Variants in VPS13D observed in about 807,000 individuals in gnomAD.
VPS13D encodes the protein intermembrane lipid transfer protein VPS13D.
Under a neutral mutation model 461.9 loss-of-function variants are expected in VPS13D, and 187 were observed. The observed-to-expected ratio is 0.40, with a 90% CI of 0.36 to 0.46. The LOEUF is 0.46. Among genes scored for constraint, VPS13D ranks in the 20% least tolerant of loss-of-function variants. The pLI is 0.60. For missense variants in VPS13D, 4,711 were observed against 5,364.9 expected (o/e 0.88, Z 3.81); for synonymous variants, 1,951 against 1,986.3 (o/e 0.98, Z 0.47).
intron 46 of VPS13D, among the ~76,000 whole-genome samples, chr1:12,351,335 G>T (rs1643788425): frequency 6.6e-6 from 1 of 152,286 alleles, no homozygotes; most frequent in African/African-American, 2.4e-5. Flanking sequence ...TTGTCACCCA[G>T]GCTGGAGTGC....
chr1:12,375,127 A>G (rs1644180818), intron 55 of VPS13D, among the ~76,000 whole-genome samples: 6 of 152,136 alleles, frequency 3.9e-5, no homozygotes, highest in Admixed American at 3.3e-4. Context: ...GCCCTCACTC[A>G]CTTCCTTACT....
chr1:12,243,761 A>G (rs1053197013), intron 3 of VPS13D, among the ~76,000 whole-genome samples: 4 of 152,196 alleles, frequency 2.6e-5, no homozygotes, highest in Admixed American at 2.6e-4. Flanking sequence ...AGAATTCTTT[A>G]TTGAGAGAAG....
At chr1:12,298,858 C>T (rs149222766) in intron 24 of VPS13D, among the ~76,000 whole-genome samples, 78 of 152,230 alleles carry the variant, frequency 5.1e-4, no homozygotes, top group Middle Eastern at 3.4e-3. Flanking sequence ...TTTCTAAAGT[C>T]GTGGTGTAAA....
Position 12,293,698 on chromosome 1 carries a change from G to A in VPS13D, c.6027G>A (p.Gly2009=). ...VLGRQRAAIE[G]QTVRDQAQRC... ...GGCGCCAGCGAGCTGCTATTGAGGG[G>A]CAGACGGTAGGTAGCCTGGGCCCTC... The change falls in exon 24 of 70, where the codon GGG becomes GGA. Residue 2009 remains glycine, a synonymous_variant. Coordinates refer to ENST00000620676, the MANE Select transcript of VPS13D (RefSeq NM_015378.4). 6.2e-7 allele frequency: 1 copy of A among 1,613,250 alleles called. No individual in the cohort carries two copies. Among genetic ancestry groups the A allele is most frequent in the Admixed American group, 1.7e-5 (1 of 59,924 alleles).
At chr1:12,401,767 G>T in intron 62 of VPS13D, 63 bp downstream of exon 62, 1 of 1,433,412 alleles carries the variant, frequency 7.0e-7, no homozygotes, top group Non-Finnish European at 9.8e-7. Context: ...TTTTGAGTCT[G>T]TTTGTAAAAA....
Position 12,318,229 on chromosome 1 carries a change from A to G in VPS13D, c.7306A>G (p.Ser2436Gly). ...VTPSRHRNSSSESAIVPKTVK... is the reference protein window; with the variant it reads ...VTPSRHRNSSGESAIVPKTVK... Reference sequence around the variant, plus strand: ...TCCTTCTCGCCACCGTAACTCTAGCAGCGAATCTGCTATAGTTCCCAAAAC... The same window carrying G: ...TCCTTCTCGCCACCGTAACTCTAGCGGCGAATCTGCTATAGTTCCCAAAAC... The change falls in exon 31 of 70, where the codon AGC (serine) becomes GGC (glycine). Residue 2436 changes from serine to glycine, a missense_variant. By Grantham distance (56) the Ser-to-Gly change is moderately conservative. Coordinates refer to ENST00000620676, the MANE Select transcript of VPS13D (RefSeq NM_015378.4). The G allele has an allele frequency of 6.2e-7, 1 of 1,614,218 alleles. No homozygotes were observed. Among genetic ancestry groups the G allele is most frequent in the Non-Finnish European group, 8.5e-7 (1 of 1,180,032 alleles).
rs1471285653 is a variant in VPS13D, at chr1:12,348,733, A to C, written c.9070-90A>C. On this transcript the variant is annotated intron_variant, in intron 44 of 69. Coordinates refer to ENST00000620676, the MANE Select transcript of VPS13D (RefSeq NM_015378.4). Reference sequence around the variant, plus strand: ...TGAAGAACTATAGTAGTAATAAGACACTTTTAAGGTAGACATTCTGATCGA... The same window carrying C: ...TGAAGAACTATAGTAGTAATAAGACCCTTTTAAGGTAGACATTCTGATCGA... 8.8e-6 allele frequency: 13 copies of C among 1,476,806 alleles called. No individual in the cohort carries two copies. In the South Asian group the frequency reaches 1.4e-4, roughly 16 times the overall value. 91.5% of individuals were successfully genotyped at this position (1,476,806 alleles called of 1,614,324 possible). A position where few individuals can be genotyped will look rare whatever the true frequency, so the allele number is the denominator to read the frequency against.
intron 46 of VPS13D, 79 bp downstream of exon 46, chr1:12,349,453 A>G (rs931140719): frequency 2.5e-5 from 33 of 1,316,442 alleles, no homozygotes; most frequent in Non-Finnish European, 3.4e-5. Context: ...TTCTTTCTCT[A>G]AAGACCCTTA....
intron 57 of VPS13D, among the ~76,000 whole-genome samples, chr1:12,380,414 C>T (rs187949808): frequency 1.6e-4 from 25 of 152,272 alleles, no homozygotes; most frequent in African/African-American, 6.0e-4. Context: ...TCATTTTGGC[C>T]TAAATAAGCA....
intron 25 of VPS13D, among the ~76,000 whole-genome samples, chr1:12,302,993 A>C (rs750512758): frequency 1.3e-5 from 2 of 152,238 alleles, no homozygotes; most frequent in African/African-American, 2.4e-5. Context: ...ATTTGTAAGC[A>C]GATAAACACA....
intron 67 of VPS13D, among the ~76,000 whole-genome samples, chr1:12,467,611 C>G (rs1471535352): frequency 6.6e-6 from 1 of 152,148 alleles, no homozygotes; most frequent in Non-Finnish European, 1.5e-5. Context: ...TACTGTATTC[C>G]CCTTTCACTC....
intron 3 of VPS13D, among the ~76,000 whole-genome samples, chr1:12,242,958 C>CTT (rs979589423): frequency 7.0e-6 from 1 of 143,754 alleles, no homozygotes. Context: ...CTTTTCTTTT[C>CTT]TTTTTTTTTT....
rs1049281457 is a variant in VPS13D at position 12,506,357 on chromosome 1, A to G, written c.12795-496A>G. Reference sequence around the variant, plus strand: ...GACTCTTTGAGTTTTCTGAACATGAAGTGGATGGGGGGGTGCCCTGTCCCT... The same window carrying G: ...GACTCTTTGAGTTTTCTGAACATGAGGTGGATGGGGGGGTGCCCTGTCCCT... On this transcript the variant is annotated intron_variant, in intron 68 of 69. Coordinates refer to ENST00000620676, the MANE Select transcript of VPS13D (RefSeq NM_015378.4). Among the ~76,000 whole-genome samples the G allele has an allele frequency of 2.0e-5, 3 of 152,178 alleles. 1 individual carries two copies. The highest frequency in any genetic ancestry group is 4.4e-5 in the Non-Finnish European group (3 of 68,034).
chr1:12,343,214 G>T (rs1362651438), intron 42 of VPS13D, among the ~76,000 whole-genome samples, 163 bp downstream of exon 42: 1 of 151,778 alleles, frequency 6.6e-6, no homozygotes. Context: ...TTGCTCTGTT[G>T]CCCAGGCTGG....
At chr1:12,362,247 G>A (rs1326826549) in intron 50 of VPS13D, among the ~76,000 whole-genome samples, 1 of 152,212 alleles carries the variant, frequency 6.6e-6, no homozygotes, top group East Asian at 1.9e-4. Context: ...AGAAGAGTCA[G>A]TAAAGTTTAG....
chr1:12,427,486 A>G (rs1644937774), intron 65 of VPS13D, among the ~76,000 whole-genome samples: 1 of 147,500 alleles, frequency 6.8e-6, no homozygotes, highest in Admixed American at 6.8e-5. Flanking sequence ...ATCAAAACCG[A>G]AAAAAAAAAG....
chr1:12,442,754 C>T (rs370026047), intron 65 of VPS13D, among the ~76,000 whole-genome samples: 4 of 152,036 alleles, frequency 2.6e-5, no homozygotes, highest in African/African-American at 9.7e-5. Flanking sequence ...CATGCCACCA[C>T]GCCCAGCTAA....
At chr1:12,382,936 T>G in intron 57 of VPS13D, 40 bp from the exon 58 acceptor site, 1 of 1,569,444 alleles carries the variant, frequency 6.4e-7, no homozygotes, top group Non-Finnish European at 8.7e-7. Flanking sequence ...AGTCAGTGCC[T>G]CTGTCTTTTC....
intron 7 of VPS13D, among the ~76,000 whole-genome samples, chr1:12,255,822 C>CCT (rs1312571082): frequency 1.4e-5 from 2 of 146,532 alleles, no homozygotes; most frequent in African/African-American, 5.1e-5. Flanking sequence ...ACCGGGGAGT[C>CCT]GGAGGTTGCA....
Sources: allele counts gnomAD v4.1 joint callset (sites outside exome capture counted in the v4.1 genomes callset), GRCh38; gene constraint gnomAD v4.1.1; transcripts MANE v1.5; gene names NCBI Gene and HGNC (gene_info 2026-07-23, HGNC 2026-07-21).